TAF2: variants seen among roughly 807,000 people sequenced by gnomAD.
TAF2 encodes transcription initiation factor TFIID subunit 2.
In TAF2, 61 loss-of-function variants were observed where a neutral mutation model predicts 138.5. That is an observed-to-expected ratio of 0.44 (90% CI 0.36 to 0.54). TAF2 has a LOEUF of 0.54. Ranked by LOEUF, TAF2 falls within the 20% of genes least tolerant of loss-of-function variation. TAF2 has a pLI of 0.00. For missense variants in TAF2, 1,090 were observed against 1,427.9 expected, an observed-to-expected ratio of 0.76 and a Z score of 3.81; for synonymous variants, 475 against 469.9, an observed-to-expected ratio of 1.01 and a Z score of -0.14.
At chr8:119,789,535 T>C in intron 12 of TAF2, 57 bp downstream of exon 12, 1 of 1,600,970 alleles carries the variant, frequency 6.2e-7, no homozygotes, top group South Asian at 1.1e-5. Context: ...CATCTTCCCC[T>C]TGCACACATA....
intron 25 of TAF2, among the ~76,000 whole-genome samples, chr8:119,737,754 C>T (rs189434091): frequency 1.3e-3 from 196 of 152,188 alleles, no homozygotes; most frequent in Non-Finnish European, 2.1e-3. Context: ...AATGATCCCC[C>T]ACCTTGGCCT....
At chr8:119,763,121 G>T (rs1265835084) in intron 18 of TAF2, among the ~76,000 whole-genome samples, 1 of 152,170 alleles carries the variant, frequency 6.6e-6, no homozygotes, top group Non-Finnish European at 1.5e-5. Context: ...ACTGGAAGAA[G>T]ACTATCTGCC....
intron 19 of TAF2, 108 bp from the exon 20 acceptor site, chr8:119,760,846 T>C: frequency 6.9e-7 from 1 of 1,450,100 alleles, no homozygotes; most frequent in Non-Finnish European, 9.6e-7. Flanking sequence ...AAAACTGATG[T>C]GATTTTAATC....
chr8:119,824,187 T>C (rs1218252876), intron 2 of TAF2, among the ~76,000 whole-genome samples: 2 of 152,000 alleles, frequency 1.3e-5, no homozygotes, highest in African/African-American at 4.8e-5. Context: ...TCCCAGCACA[T>C]TGGGAGGCTG....
chr8:119,760,121 C>A (rs1341602246), intron 20 of TAF2, among the ~76,000 whole-genome samples: 1 of 151,942 alleles, frequency 6.6e-6, no homozygotes, highest in East Asian at 1.9e-4. Context: ...ATCTCTGTAT[C>A]TTTCTCCCCT....
In TAF2 at chr8:119,832,656, G is replaced by C. The variant is rs576296524; in HGVS notation, c.-92C>G. ...CACCTCACACTCTCCACTCCCCTGCGGTCCCCAAGTCACGTCTCGCAGCTG... is the reference window on the plus strand; with the variant it reads ...CACCTCACACTCTCCACTCCCCTGCCGTCCCCAAGTCACGTCTCGCAGCTG... On this transcript the variant is annotated 5_prime_UTR_variant, in exon 1 of 26. Transcript: ENST00000378164. 3 of 1,252,452 alleles carry C rather than the reference G, an allele frequency of 2.4e-6. No homozygotes were observed. The highest frequency in any genetic ancestry group is 2.1e-5 in the Admixed American group (1 of 47,552). The allele number at this position is 1,252,452 out of a possible 1,614,324, so 77.6% of individuals were successfully genotyped here. A position where few individuals can be genotyped will look rare whatever the true frequency, so the allele number is the denominator to read the frequency against.
intron 18 of TAF2, among the ~76,000 whole-genome samples, chr8:119,776,550 G>A (rs1401519260): frequency 7.3e-5 from 11 of 151,060 alleles, no homozygotes; most frequent in Non-Finnish European, 1.3e-4. Context: ...TTAGCCGGGC[G>A]TAGTGGCGGG....
intron 15 of TAF2, among the ~76,000 whole-genome samples, chr8:119,783,954 T>C (rs1274636630): frequency 6.6e-6 from 1 of 152,210 alleles, no homozygotes; most frequent in Non-Finnish European, 1.5e-5. Flanking sequence ...GTGATTTTGA[T>C]TTGTGATTAT....
At chr8:119,736,926 C>T (rs10092747) in intron 25 of TAF2, among the ~76,000 whole-genome samples, 129,546 of 152,168 alleles carry the variant, frequency 0.85, 55,823 homozygotes, top group African/African-American at 0.96. Flanking sequence ...ACTTGAAAAG[C>T]ACAGAACAAA....
chr8:119,825,074 G>A (rs1256473428), intron 2 of TAF2, among the ~76,000 whole-genome samples: 2 of 152,242 alleles, frequency 1.3e-5, no homozygotes, highest in African/African-American at 4.8e-5. Flanking sequence ...AAAAGCTGCA[G>A]ACACTCAACG....
intron 21 of TAF2, among the ~76,000 whole-genome samples, chr8:119,757,845 G>A (rs1259425413): frequency 6.6e-6 from 1 of 151,872 alleles, no homozygotes; most frequent in African/African-American, 2.4e-5. Context: ...GCAGTGAGCC[G>A]AGATCGTGCC....
intron 3 of TAF2, among the ~76,000 whole-genome samples, chr8:119,808,233 C>T (rs1824798891): frequency 6.6e-6 from 1 of 152,200 alleles, no homozygotes; most frequent in Non-Finnish European, 1.5e-5. Context: ...CACTGACATT[C>T]CAAAAACATT....
chr8:119,785,144 T>C (rs546938096), intron 15 of TAF2, 57 bp downstream of exon 15: 15 of 1,405,646 alleles, frequency 1.1e-5, no homozygotes, highest in Middle Eastern at 1.8e-4. Context: ...CATAACAAAG[T>C]AGACAGATGA....
chr8:119,801,556 G>A (rs1824262187), intron 6 of TAF2, among the ~76,000 whole-genome samples: 1 of 151,572 alleles, frequency 6.6e-6, no homozygotes, highest in African/African-American at 2.4e-5. Context: ...AGCCTCCCGA[G>A]TAGCTGGGAC....
intron 11 of TAF2, among the ~76,000 whole-genome samples, chr8:119,790,985 T>TGG (rs71571630): frequency 7.7e-4 from 116 of 151,274 alleles, no homozygotes; most frequent in Admixed American, 2.2e-3. Context: ...TTTTTTGAGA[T>TGG]GGGGGGGGTC....
intron 16 of TAF2, among the ~76,000 whole-genome samples, chr8:119,782,282 T>C (rs1462629965): frequency 1.3e-5 from 2 of 152,208 alleles, no homozygotes; most frequent in South Asian, 2.1e-4. Context: ...TATGTCTTGC[T>C]ATTGATATTT....
chr8:119,806,674 G>A (rs1200935045), intron 3 of TAF2, among the ~76,000 whole-genome samples: 1 of 151,824 alleles, frequency 6.6e-6, no homozygotes, highest in Non-Finnish European at 1.5e-5. Flanking sequence ...CACCATGTTG[G>A]TCAGGCTGGT....
chr8:119,731,691 G>A lies in TAF2; in HGVS notation c.*233C>T, dbSNP rs898541499. The A allele has an allele frequency of 3.5e-4, 191 of 546,588 alleles. 1 individual carries two copies. In the South Asian group the frequency reaches 3.7e-3, roughly 11 times the overall value. The allele number at this position is 546,588 out of a possible 1,614,324, so 33.9% of individuals were successfully genotyped here. A position where few individuals can be genotyped will look rare whatever the true frequency, so the allele number is the denominator to read the frequency against. On this transcript the variant is annotated 3_prime_UTR_variant, in exon 26 of 26. Transcript: ENST00000378164. ...GAGTTTGCTCTGTGTGTGTGTTTTGGGGAGGAAACAGCGGATGAAATAGTT... is the reference window on the plus strand; with the variant it reads ...GAGTTTGCTCTGTGTGTGTGTTTTGAGGAGGAAACAGCGGATGAAATAGTT...
chr8:119,811,708 A>C (rs1825069608), intron 3 of TAF2, among the ~76,000 whole-genome samples: 1 of 146,184 alleles, frequency 6.8e-6, no homozygotes, highest in Middle Eastern at 3.5e-3. Context: ...CGGGAGGCTG[A>C]GGCAGGAGAA....
Sources: allele counts gnomAD v4.1 joint callset (sites outside exome capture counted in the v4.1 genomes callset), GRCh38; gene constraint gnomAD v4.1.1; transcripts MANE v1.5; gene names NCBI Gene and HGNC (gene_info 2026-07-23, HGNC 2026-07-21).